Variants in IDE observed in about 807,000 individuals in gnomAD.
IDE encodes insulin degrading enzyme, also known as insulin-degrading enzyme.
A neutral mutation model predicts 133.2 loss-of-function variants in IDE; 58 were observed. That is an observed-to-expected ratio of 0.44 (90% confidence interval 0.35 to 0.54). The LOEUF is 0.54. IDE is among the 20% of genes least tolerant of loss of function. IDE has a pLI of 0.00. For missense variants in IDE, 981 were observed against 1,234.0 expected, an observed-to-expected ratio of 0.79 and a Z score of 3.07; for synonymous variants, 396 against 421.3, an observed-to-expected ratio of 0.94 and a Z score of 0.73.
chr10:92,562,347 G>A (rs942077288), intron 1 of IDE, among the ~76,000 whole-genome samples: 6 of 152,198 alleles, frequency 3.9e-5, no homozygotes, highest in Admixed American at 3.3e-4. Flanking sequence ...AGAAGGCAAC[G>A]TTCAGAAACC....
chr10:92,489,339 C>T (rs1212755913), intron 12 of IDE, among the ~76,000 whole-genome samples: 1 of 152,020 alleles, frequency 6.6e-6, no homozygotes, highest in African/African-American at 2.4e-5. Flanking sequence ...ATCACAAGGT[C>T]AAGAGATCAA....
At chr10:92,523,274 C>G (rs1222476340) in intron 4 of IDE, among the ~76,000 whole-genome samples, 1 of 151,874 alleles carries the variant, frequency 6.6e-6, no homozygotes, top group Non-Finnish European at 1.5e-5. Flanking sequence ...CCAGCTACTT[C>G]AGAGGCTGAG....
In IDE at chr10:92,454,291, A is replaced by C. The variant is rs1844872789; in HGVS notation, c.*153T>G. The C allele has an allele frequency of 7.2e-6, 4 of 559,332 alleles. No homozygotes were observed. The South Asian group carries it at 8.4e-5, about 12-fold the overall frequency. The allele number at this position is 559,332 out of a possible 1,614,324, so 34.6% of individuals were successfully genotyped here. On this transcript the variant is annotated 3_prime_UTR_variant, in exon 25 of 25. Transcript: ENST00000265986. The stretch of plus-strand genomic sequence containing the variant: ...TATAAGATTTTGTAATTTACTTTGG[A>C]TTTATAATATTTCTACATAATGACA...
chr10:92,539,540 C>T (rs867314889), intron 1 of IDE, among the ~76,000 whole-genome samples: 3 of 151,846 alleles, frequency 2.0e-5, no homozygotes, highest in Non-Finnish European at 2.9e-5. Context: ...CTGAGACGGG[C>T]GGATCACAAG....
chr10:92,472,307 C>T lies in IDE; in HGVS notation c.2117-1962G>A, dbSNP rs528081725. Among the ~76,000 whole-genome samples the T allele has an allele frequency of 3.9e-5, 6 of 152,242 alleles. No homozygotes were observed. In the South Asian group the frequency reaches 8.3e-4, roughly 21 times the overall value. ...ACGAAGGGTGAATAAAACCCTCAAA[C>T]CTTTGCTTTTTGATCATTATAAAAG... On this transcript the variant is annotated intron_variant, in intron 17 of 24. Coordinates refer to ENST00000265986, the MANE Select transcript of IDE (RefSeq NM_004969.4).
At chr10:92,518,222 C>T (rs2135584018) in intron 4 of IDE, among the ~76,000 whole-genome samples, 1 of 152,238 alleles carries the variant, frequency 6.6e-6, no homozygotes, top group Non-Finnish European at 1.5e-5. Context: ...TAGTGCTTTA[C>T]ACTGCCATCT....
At chr10:92,500,874 C>T (rs11187029) in intron 11 of IDE, among the ~76,000 whole-genome samples, 21 of 151,810 alleles carry the variant, frequency 1.4e-4, no homozygotes, top group South Asian at 4.2e-4. Flanking sequence ...AACCCCATCT[C>T]TACTGAAAAC....
At chr10:92,553,911 A>C (rs1472724491) in intron 1 of IDE, among the ~76,000 whole-genome samples, 1 of 152,168 alleles carries the variant, frequency 6.6e-6, no homozygotes, top group African/African-American at 2.4e-5. Flanking sequence ...TTAAAGAACT[A>C]ATACCAATTC....
In IDE at chr10:92,479,346, G is replaced by C; in HGVS notation, c.1815C>G (p.Asn605Lys). ...CTAGCTCTGCTGCATATGCATACTCGTTGAGTGAGTCTTTGAGGAGCTCAA... is the reference window on the plus strand; with the variant it reads ...CTAGCTCTGCTGCATATGCATACTCCTTGAGTGAGTCTTTGAGGAGCTCAA... The part of the protein sequence containing the change: ...LYLELLKDSL[N>K]EYAYAAELAG... Residue 605 changes from asparagine to lysine, a missense_variant, in exon 15 of 25, where the codon AAC (asparagine) becomes AAG (lysine). By Grantham distance (94) the Asn-to-Lys change is moderately conservative. Coordinates refer to ENST00000265986, the MANE Select transcript of IDE (RefSeq NM_004969.4). The C allele has an allele frequency of 6.2e-7, 1 of 1,613,152 alleles. No individual in the cohort carries two copies. Among genetic ancestry groups the C allele is most frequent in the Non-Finnish European group, 8.5e-7 (1 of 1,179,108 alleles).
intron 4 of IDE, among the ~76,000 whole-genome samples, chr10:92,524,411 ATT>A (rs1222207327): frequency 0.062 from 582 of 9,430 alleles, 64 homozygotes; most frequent in Non-Finnish European, 0.1. Context: ...TATAATATAT[ATT>A]ATATTATATA....
intron 1 of IDE, among the ~76,000 whole-genome samples, chr10:92,552,116 T>A (rs1842813990): frequency 6.6e-6 from 1 of 152,130 alleles, no homozygotes; most frequent in African/African-American, 2.4e-5. Flanking sequence ...AGTAACATAA[T>A]CACATTGAAG....
chr10:92,458,792 G>A (rs1459265017), intron 22 of IDE, among the ~76,000 whole-genome samples: 2 of 151,914 alleles, frequency 1.3e-5, no homozygotes, highest in African/African-American at 2.4e-5. Context: ...GAACCACCAC[G>A]CCCAGCCCCT....
intron 19 of IDE, among the ~76,000 whole-genome samples, chr10:92,467,778 CA>C (rs1414993307): frequency 4.4e-4 from 67 of 152,142 alleles, no homozygotes; most frequent in Non-Finnish European, 1.8e-4. Flanking sequence ...AATAAACTGG[CA>C]AAAGTTGGAA....
In IDE at chr10:92,479,264, C is replaced by T. The variant is rs764709022; in HGVS notation, c.1884+13G>A. The T allele has an allele frequency of 5.0e-6, 8 of 1,591,274 alleles. No homozygotes were observed. Among genetic ancestry groups the T allele is most frequent in the South Asian group, 1.1e-5 (1 of 89,910 alleles). On this transcript the variant is annotated intron_variant, in intron 15 of 24. Coordinates refer to ENST00000265986, the MANE Select transcript of IDE (RefSeq NM_004969.4). ...TGTTGATGAGTGGAAGGCTCTAAGG[C>T]GTGGGTACTTACATACATCCCATAG... is the stretch of plus-strand genomic sequence containing the variant.
At chr10:92,547,331 G>A (rs576030597) in intron 1 of IDE, among the ~76,000 whole-genome samples, 1 of 151,232 alleles carries the variant, frequency 6.6e-6, no homozygotes, top group African/African-American at 2.4e-5. Flanking sequence ...CAATCTGCCC[G>A]CTTCGGCCTC....
At chr10:92,540,518 C>A (rs1842247210) in intron 1 of IDE, among the ~76,000 whole-genome samples, 1 of 152,154 alleles carries the variant, frequency 6.6e-6, no homozygotes, top group African/African-American at 2.4e-5. Flanking sequence ...AAAGAGAATG[C>A]CTGAACTTAC....
At chr10:92,537,286 C>G in intron 2 of IDE, 80 bp downstream of exon 2, 1 of 1,104,742 alleles carries the variant, frequency 9.1e-7, no homozygotes, top group Non-Finnish European at 1.3e-6. Context: ...AGTATTTAAA[C>G]ACGTATGGAA....
intron 1 of IDE, chr10:92,554,873 A>G (rs1419286950): frequency 1.3e-5 from 2 of 152,208 alleles, no homozygotes; most frequent in African/African-American, 2.4e-5. Context: ...AAACAAACAG[A>G]AAAATACCTC....
chr10:92,565,245 GAAAAAAAA>G (rs1157438934), intron 1 of IDE, among the ~76,000 whole-genome samples: 1 of 93,154 alleles, frequency 1.1e-5, no homozygotes, highest in Non-Finnish European at 2.2e-5. Context: ...CTCTGTCTCA[GAAAAAAAA>G]AAAAAAAAAG....
Sources: allele counts gnomAD v4.1 joint callset (sites outside exome capture counted in the v4.1 genomes callset), GRCh38; gene constraint gnomAD v4.1.1; transcripts MANE v1.5; gene names NCBI Gene and HGNC (gene_info 2026-07-23, HGNC 2026-07-21).